GALNTL6: variants seen among roughly 807,000 people sequenced by gnomAD.
GALNTL6 encodes the protein polypeptide N-acetylgalactosaminyltransferase like 6, also known as polypeptide N-acetylgalactosaminyltransferase-like 6.
A neutral mutation model predicts 73.7 loss-of-function variants in GALNTL6; 46 were observed. The observed-to-expected ratio is 0.62, with a 90% CI of 0.49 to 0.80. The LOEUF (loss-of-function observed/expected upper bound fraction) is 0.80. GALNTL6 is among the 30% of genes least tolerant of loss of function. GALNTL6 has a pLI of 0.00. For missense variants in GALNTL6, 604 were observed against 755.0 expected, an observed-to-expected ratio of 0.80 and a Z score of 2.34; for synonymous variants, 259 against 263.7, an observed-to-expected ratio of 0.98 and a Z score of 0.17.
intron 2 of GALNTL6, among the ~76,000 whole-genome samples, chr4:171,869,122 G>A (rs770011758): frequency 2.6e-5 from 4 of 152,158 alleles, no homozygotes; most frequent in African/African-American, 4.8e-5. Flanking sequence ...ATAGCTAAAA[G>A]ATTTCTTCAG....
intron 2 of GALNTL6, among the ~76,000 whole-genome samples, chr4:172,181,994 G>C (rs1191378272): frequency 6.6e-6 from 1 of 152,156 alleles, no homozygotes; most frequent in Non-Finnish European, 1.5e-5. Flanking sequence ...TGGGATTACA[G>C]GAGTGAGCCA....
intron 5 of GALNTL6, among the ~76,000 whole-genome samples, chr4:172,658,149 CA>C (rs58279803): frequency 2.2e-3 from 11 of 5,018 alleles, no homozygotes; most frequent in East Asian, 0.011. Context: ...GACTCCGTCT[CA>C]AAAAAAAAAA....
intron 8 of GALNTL6, among the ~76,000 whole-genome samples, chr4:172,929,466 A>G (rs1748218439): frequency 6.6e-6 from 1 of 152,196 alleles, no homozygotes; most frequent in Admixed American, 6.5e-5. Context: ...ATTAATTTTA[A>G]GGAATTGGTC....
intron 5 of GALNTL6, among the ~76,000 whole-genome samples, chr4:172,728,393 C>T (rs1033861008): frequency 1.3e-5 from 2 of 152,030 alleles, no homozygotes; most frequent in Non-Finnish European, 2.9e-5. Flanking sequence ...TTGTGTTTGG[C>T]TTATTTCACT....
intron 10 of GALNTL6, among the ~76,000 whole-genome samples, chr4:172,966,551 C>G (rs890569922): frequency 1.3e-5 from 2 of 152,190 alleles, no homozygotes; most frequent in Non-Finnish European, 2.9e-5. Context: ...TGCGCCACCA[C>G]GCCCAGCTAA....
At chr4:172,344,922 C>T (rs1338088352) in intron 4 of GALNTL6, among the ~76,000 whole-genome samples, 2 of 152,104 alleles carry the variant, frequency 1.3e-5, no homozygotes, top group South Asian at 2.1e-4. Context: ...TTTCCTAGTT[C>T]CACGTCTTCT....
At chr4:172,539,792 T>C (rs1253260184) in intron 5 of GALNTL6, among the ~76,000 whole-genome samples, 1 of 150,540 alleles carries the variant, frequency 6.6e-6, no homozygotes, top group African/African-American at 2.4e-5. Flanking sequence ...AATGAAGCCA[T>C]ATCATGCTAA....
intron 5 of GALNTL6, among the ~76,000 whole-genome samples, chr4:172,761,364 A>G (rs1738075121): frequency 6.6e-6 from 1 of 152,222 alleles, no homozygotes; most frequent in African/African-American, 2.4e-5. Context: ...AGTAATCAGT[A>G]TTATATTAAA....
chr4:171,909,144 T>TAATA (rs34316166), intron 2 of GALNTL6, among the ~76,000 whole-genome samples: 38,910 of 128,032 alleles, frequency 0.3, 6,185 homozygotes, highest in African/African-American at 0.47. Context: ...TAAAGTATAA[T>TAATA]AATAAATAAA....
intron 2 of GALNTL6, among the ~76,000 whole-genome samples, chr4:172,036,218 A>G (rs953060792): frequency 6.6e-6 from 1 of 151,798 alleles, no homozygotes; most frequent in African/African-American, 2.4e-5. Context: ...CAGTTTATAG[A>G]AAAAAAATGC....
chr4:172,221,608 T>C (rs1736678280), intron 2 of GALNTL6, among the ~76,000 whole-genome samples: 1 of 151,732 alleles, frequency 6.6e-6, no homozygotes, highest in Non-Finnish European at 1.5e-5. Context: ...AGAGAATACT[T>C]TGAGAAAAAA....
At chr4:172,173,022 A>T (rs1485248499) in intron 2 of GALNTL6, among the ~76,000 whole-genome samples, 2 of 152,140 alleles carry the variant, frequency 1.3e-5, no homozygotes, top group Non-Finnish European at 2.9e-5. Context: ...CCCACATCAT[A>T]GCAGCTTCTT....
At chr4:171,988,673 G>T (rs1161024287) in intron 2 of GALNTL6, among the ~76,000 whole-genome samples, 2 of 152,152 alleles carry the variant, frequency 1.3e-5, no homozygotes, top group Non-Finnish European at 2.9e-5. Flanking sequence ...CAGGTAAAAT[G>T]GGGGAATGGT....
chr4:172,121,469 C>T lies in GALNTL6; in HGVS notation c.139-108187C>T, dbSNP rs186688133. On this transcript the variant is annotated intron_variant, in intron 2 of 12. Transcript: ENST00000506823. Reference sequence around the variant, plus strand: ...GATTCTTACAGCTTTCAGACATTTCCTCCTTTTGATCAAGATCTTTACCCA... The same window carrying T: ...GATTCTTACAGCTTTCAGACATTTCTTCCTTTTGATCAAGATCTTTACCCA... Among the ~76,000 whole-genome samples, 208 of 152,216 alleles carry T rather than the reference C, an allele frequency of 1.4e-3. 2 individuals are homozygous for T. Among genetic ancestry groups the T allele is most frequent in the African/African-American group, 4.8e-3 (201 of 41,522 alleles).
intron 4 of GALNTL6, among the ~76,000 whole-genome samples, chr4:172,346,302 G>T (rs1405015952): frequency 6.6e-6 from 1 of 152,170 alleles, no homozygotes; most frequent in Admixed American, 6.5e-5. Context: ...AACAGTACAT[G>T]GTCAAAATTG....
At chr4:172,369,116 TCTACAGAGAGC>T (rs1742686781) in intron 5 of GALNTL6, among the ~76,000 whole-genome samples, 1 of 152,166 alleles carries the variant, frequency 6.6e-6, no homozygotes, top group African/African-American at 2.4e-5. Flanking sequence ...ATTGGTCCAT[TCTACAGAGAGC>T]TGATTGGTCC....
chr4:172,038,073 G>A lies in GALNTL6; in HGVS notation c.139-191583G>A, dbSNP rs574186821. Among the ~76,000 whole-genome samples, 12 of 151,684 alleles carry A rather than the reference G, an allele frequency of 7.9e-5. No individual in the cohort carries two copies. In the South Asian group the frequency reaches 1.5e-3, roughly 18 times the overall value. ...GATAAGGTTGCAGTGAGCCGAGATC[G>A]TGCCATTGCCCTCCAGCGTGGCTAA... On this transcript the variant is annotated intron_variant, in intron 2 of 12. Transcript: ENST00000506823.
At chr4:172,193,595 G>A (rs1179485279) in intron 2 of GALNTL6, among the ~76,000 whole-genome samples, 3 of 152,204 alleles carry the variant, frequency 2.0e-5, no homozygotes, top group Admixed American at 2.0e-4. Context: ...GGGCGTGGTG[G>A]CTCATGCCTG....
chr4:172,475,337 G>A (rs990561027), intron 5 of GALNTL6, among the ~76,000 whole-genome samples: 1 of 151,828 alleles, frequency 6.6e-6, no homozygotes, highest in Admixed American at 6.6e-5. Flanking sequence ...TTTATGATAC[G>A]ATCAGGTAAT....
Sources: allele counts gnomAD v4.1 joint callset (sites outside exome capture counted in the v4.1 genomes callset), GRCh38; gene constraint gnomAD v4.1.1; transcripts MANE v1.5; gene names NCBI Gene and HGNC (gene_info 2026-07-23, HGNC 2026-07-21).